The following ANKUB1 variants were observed in gnomAD, a reference collection of about 807,000 sequenced individuals.
ANKUB1 encodes the protein protein ANKUB1.
A neutral mutation model predicts 49.3 loss-of-function variants in ANKUB1; 42 were observed. The ratio of observed to expected loss-of-function variants is 0.85; its 90% CI spans 0.67 to 1.10. ANKUB1 has a LOEUF of 1.10. Among genes scored for constraint, ANKUB1 ranks in the 50% least tolerant of loss-of-function variants. The probability of loss-of-function intolerance (pLI) is 0.00; values close to 1 mark genes in which losing one functional copy is unlikely to be tolerated. For synonymous variants in ANKUB1, 222 were observed against 231.0 expected (o/e 0.96, Z 0.35); for missense variants, 613 against 642.0 (o/e 0.95, Z 0.49).
At chr3:149,779,963 T>A (rs749649582) in intron 3 of ANKUB1, 1 of 407,310 alleles carries the variant, frequency 2.5e-6, no homozygotes, top group East Asian at 4.3e-5. Flanking sequence ...ATGGTTTTGA[T>A]TGTAAATCTT....
intron 2 of ANKUB1, among the ~76,000 whole-genome samples, chr3:149,789,067 C>T (rs1434490960): frequency 6.6e-6 from 1 of 151,830 alleles, no homozygotes; most frequent in African/African-American, 2.4e-5. Context: ...AGCCACCACA[C>T]CTGGCCAGGA....
intron 2 of ANKUB1, chr3:149,782,939 A>G (rs1292611051): frequency 1.8e-5 from 2 of 110,070 alleles, no homozygotes; most frequent in Admixed American, 1.1e-4. Context: ...ATTAACACCT[A>G]CTGAGTCTGT....
chr3:149,792,518 G>C lies in ANKUB1; in HGVS notation c.-152C>G. 2 of 502,948 alleles carry C rather than the reference G, an allele frequency of 4.0e-6. No individual in the cohort carries two copies. The highest frequency in any genetic ancestry group is 6.8e-6 in the Non-Finnish European group (2 of 292,140). The allele number at this position is 502,948 out of a possible 1,614,324, so 31.2% of individuals were successfully genotyped here. Reference sequence around the variant, plus strand: ...TCAAAGGTAAGTTGTAGAATGTGAAGAGCCTAGTCCCACAGTGCCACAGTA... The same window carrying C: ...TCAAAGGTAAGTTGTAGAATGTGAACAGCCTAGTCCCACAGTGCCACAGTA... On this transcript the variant is annotated 5_prime_UTR_variant, in exon 1 of 6. Coordinates refer to ENST00000446160, the MANE Select transcript of ANKUB1 (RefSeq NM_001144960.3).
At chr3:149,786,295 A>G (rs970289877) in intron 2 of ANKUB1, among the ~76,000 whole-genome samples, 3 of 152,202 alleles carry the variant, frequency 2.0e-5, no homozygotes, top group Non-Finnish European at 4.4e-5. Flanking sequence ...TCGACCTCCC[A>G]AAGTGCTGGG....
intron 3 of ANKUB1, among the ~76,000 whole-genome samples, chr3:149,773,367 C>T (rs893077608): frequency 2.0e-5 from 3 of 152,148 alleles, no homozygotes; most frequent in African/African-American, 7.2e-5. Flanking sequence ...CTTGTTTACT[C>T]ACAGGCCTGA....
At chr3:149,771,828 G>C (rs1717377343) in intron 3 of ANKUB1, among the ~76,000 whole-genome samples, 1 of 151,940 alleles carries the variant, frequency 6.6e-6, no homozygotes, top group Admixed American at 6.6e-5. Flanking sequence ...CTCCAGCCCA[G>C]CCTCTGCTCC....
At chr3:149,763,786 A>T (rs1370708168) in intron 5 of ANKUB1, among the ~76,000 whole-genome samples, 1 of 152,188 alleles carries the variant, frequency 6.6e-6, no homozygotes, top group East Asian at 1.9e-4. Flanking sequence ...GGCCTCAGTG[A>T]CTGTCTACAC....
chr3:149,767,349 TC>T lies in ANKUB1; in HGVS notation c.1312del (p.Glu438LysfsTer4), dbSNP rs1717078966. 6.5e-7 allele frequency: 1 copy of T among 1,549,892 alleles called. No individual in the cohort carries two copies. The highest frequency in any genetic ancestry group is 1.4e-5 in the African/African-American group (1 of 72,916). ...AAGATATGTGTTTTTTATGAGCTTT[TC>T]TTTTTTCCTAGCTGTGGCAGTAATT... is the stretch of plus-strand genomic sequence containing the variant. ...KKITATARKK[E>X]KLIKNTYLPQ... On this transcript the variant is annotated frameshift_variant, in exon 5 of 6. Transcript: ENST00000446160. LOFTEE classifies it high-confidence loss of function.
intron 5 of ANKUB1, among the ~76,000 whole-genome samples, chr3:149,765,554 A>G (rs1196274313): frequency 6.6e-6 from 1 of 152,066 alleles, no homozygotes; most frequent in Non-Finnish European, 1.5e-5. Context: ...ACATGCACAC[A>G]CACACACACA....
At chr3:149,789,156 A>G (rs1718244993) in intron 2 of ANKUB1, among the ~76,000 whole-genome samples, 1 of 152,194 alleles carries the variant, frequency 6.6e-6, no homozygotes, top group Non-Finnish European at 1.5e-5. Context: ...AATAAATTTT[A>G]AAATGTTATA....
intron 3 of ANKUB1, among the ~76,000 whole-genome samples, chr3:149,771,067 AG>A (rs1717337627): frequency 6.6e-6 from 1 of 152,210 alleles, no homozygotes; most frequent in Non-Finnish European, 1.5e-5. Context: ...TTAGCTTATG[AG>A]TGGGCTGTGA....
chr3:149,780,804 G>A (rs1341954896), intron 2 of ANKUB1, among the ~76,000 whole-genome samples: 1 of 152,040 alleles, frequency 6.6e-6, no homozygotes, highest in Non-Finnish European at 1.5e-5. Context: ...ACTTTAATTT[G>A]GAATACTGTG....
chr3:149,791,656 A>G (rs1321039371), intron 1 of ANKUB1, among the ~76,000 whole-genome samples: 1 of 152,210 alleles, frequency 6.6e-6, no homozygotes. Context: ...CAAGTTAAAT[A>G]TTTGATGATC....
Position 149,764,862 on chromosome 3 carries a change from C to CAA in ANKUB1, c.1505+2293_1505+2294dup, listed in dbSNP as rs142318853. On this transcript the variant is annotated intron_variant, in intron 5 of 5. Coordinates refer to ENST00000446160, the MANE Select transcript of ANKUB1 (RefSeq NM_001144960.3). Reference sequence around the variant, plus strand: ...TTCCAATCCTTATGAAATGTAGCTACAAAAAAAAAAGCACACTGGTAGTCT... The same window carrying CAA: ...TTCCAATCCTTATGAAATGTAGCTACAAAAAAAAAAAAGCACACTGGTAGTCT... 9.1e-5 allele frequency among the ~76,000 whole-genome samples: 13 copies of CAA among 142,930 alleles called. No individual in the cohort carries two copies. The East Asian group carries it at 1.0e-3, about 11-fold the overall frequency. 93.8% of individuals were successfully genotyped at this position (142,930 alleles called of 152,430 possible).
chr3:149,766,493 G>T, intron 5 of ANKUB1: 2 of 201,062 alleles, frequency 9.9e-6, no homozygotes, highest in Non-Finnish European at 2.1e-5. Context: ...AAGTGGAAGA[G>T]GAGGAAAAAG....
At chr3:149,770,501 T>A (rs201468404) in intron 4 of ANKUB1, 59 bp downstream of exon 4, 3 of 1,272,106 alleles carry the variant, frequency 2.4e-6, no homozygotes, top group South Asian at 1.3e-5. Flanking sequence ...CAAGGTATGA[T>A]GGAAGTTTAG....
intron 2 of ANKUB1, among the ~76,000 whole-genome samples, chr3:149,788,123 C>T (rs899914576): frequency 7.9e-5 from 12 of 152,138 alleles, no homozygotes; most frequent in Admixed American, 5.2e-4. Context: ...AGGGAAGGTA[C>T]TACTTAAATG....
At chr3:149,768,718 T>G in intron 4 of ANKUB1, among the ~76,000 whole-genome samples, 1 of 152,158 alleles carries the variant, frequency 6.6e-6, no homozygotes. Context: ...ATTTTTGTAT[T>G]TTTTGTAGAA....
In ANKUB1 at chr3:149,768,109, A is replaced by T; in HGVS notation, c.567-14T>A. The T allele has an allele frequency of 7.5e-7, 1 of 1,335,864 alleles. No individual in the cohort carries two copies. Among genetic ancestry groups the T allele is most frequent in the Non-Finnish European group, 9.7e-7 (1 of 1,031,602 alleles). 82.8% of individuals were successfully genotyped at this position (1,335,864 alleles called of 1,614,324 possible). A position where few individuals can be genotyped will look rare whatever the true frequency, so the allele number is the denominator to read the frequency against. ...CTTTTCTGATACCTAAATGAGTGAA[A>T]CAAGTGGGGAGGGGGTGTTTAGAAA... On this transcript the variant is annotated splice_polypyrimidine_tract_variant and intron_variant, in intron 4 of 5. Transcript: ENST00000446160.
Sources: gnomAD v4.1 joint callset for allele counts (sites outside exome capture counted in the v4.1 genomes callset) on GRCh38, gnomAD v4.1.1 for gene constraint, MANE v1.5 for transcripts, NCBI Gene and HGNC (gene_info 2026-07-23, HGNC 2026-07-21) for gene names.